The following RNASE4 variants were observed in gnomAD, a reference collection of about 807,000 sequenced individuals.
The protein encoded by RNASE4 is ribonuclease 4.
For synonymous variants in RNASE4, 93 were observed against 71.4 expected (o/e 1.30, Z -1.52); for missense variants, 194 against 192.8 (o/e 1.01, Z -0.04).
intron 1 of RNASE4, chr14:20,693,457 T>C (rs963648604): frequency 1.2e-5 from 18 of 1,526,090 alleles, no homozygotes; most frequent in African/African-American, 6.8e-5. Flanking sequence ...TGATTCATGA[T>C]GCCGTGTCAG....
rs144146051 is a variant in RNASE4 at position 20,699,563 on chromosome 14, G to C, written c.192G>C (p.Leu64Phe). Residue 64 changes from leucine (L) to phenylalanine (F), a missense_variant, in exon 2 of 2, where the codon TTG becomes TTC. Leu to Phe is a conservative substitution (Grantham distance 22). Coordinates refer to ENST00000555835, the MANE Select transcript of RNASE4 (RefSeq NM_002937.5). The stretch of plus-strand genomic sequence containing the variant: ...TGATGCAAAGACGGAAGATGACTTT[G>C]TATCACTGCAAGCGCTTCAACACCT... ...NLMMQRRKMT[L>F]YHCKRFNTFI... 3.1e-6 allele frequency: 5 copies of C among 1,614,068 alleles called. No individual in the cohort carries two copies. The African/African-American group carries it at 6.7e-5, about 22-fold the overall frequency.
At chr14:20,693,069 G>C (rs111700190) in intron 1 of RNASE4, among the ~76,000 whole-genome samples, 6,032 of 151,654 alleles carry the variant, frequency 0.04, 160 homozygotes, top group Non-Finnish European at 0.058. Flanking sequence ...GGATGGTCTC[G>C]ATCTCCTGAC....
At chr14:20,695,394 CA>C (rs552960263) in intron 1 of RNASE4, among the ~76,000 whole-genome samples, 326 of 114,634 alleles carry the variant, frequency 2.8e-3, no homozygotes, top group African/African-American at 6.2e-3. Context: ...GACTCCATCT[CA>C]AAAAAAAAAA....
At chr14:20,687,151 CTTG>C (rs561821547) in intron 1 of RNASE4, among the ~76,000 whole-genome samples, 36 of 152,280 alleles carry the variant, frequency 2.4e-4, no homozygotes, top group Middle Eastern at 3.4e-3. Flanking sequence ...AATATAATTC[CTTG>C]TTGTATTTTA....
At position 20,699,974 on chromosome 14, in the gene RNASE4, G is replaced by C. The variant is rs538217700; in HGVS notation, c.*159G>C. On this transcript the variant is annotated 3_prime_UTR_variant, in exon 2 of 2. Transcript: ENST00000555835. ...ATTCTATTAAATACATTGCACCAAA[G>C]AGATATGGAGACATAAACCTGTAAT... 2 of 651,024 alleles carry C rather than the reference G, an allele frequency of 3.1e-6. No homozygotes were observed. Among genetic ancestry groups the C allele is most frequent in the African/African-American group, 1.8e-5 (1 of 54,674 alleles). The allele number at this position is 651,024 out of a possible 1,614,324, so 40.3% of individuals were successfully genotyped here.
intron 1 of RNASE4, among the ~76,000 whole-genome samples, chr14:20,698,462 T>G (rs1887164382): frequency 1.3e-5 from 2 of 152,254 alleles, no homozygotes; most frequent in South Asian, 4.1e-4. Context: ...GCTTTTCTTA[T>G]TAGTCAATTT....
chr14:20,693,087 T>C lies in RNASE4; in HGVS notation c.-17-6268T>C, dbSNP rs202233850. Among the ~76,000 whole-genome samples, 5 of 152,104 alleles carry C rather than the reference T, an allele frequency of 3.3e-5. No homozygotes were observed. The East Asian group carries it at 5.8e-4, about 18-fold the overall frequency. On this transcript the variant is annotated intron_variant, in intron 1 of 1. Transcript: ENST00000555835. ...TGGTCTCGATCTCCTGACCTCGTGATCCGCCCGCCTTGGCCTCCCAAAGTG... is the reference window on the plus strand; with the variant it reads ...TGGTCTCGATCTCCTGACCTCGTGACCCGCCCGCCTTGGCCTCCCAAAGTG...
At chr14:20,684,904 G>C (rs976155010) in intron 1 of RNASE4, 146 bp downstream of exon 1, 1 of 152,240 alleles carries the variant, frequency 6.6e-6, no homozygotes, top group African/African-American at 2.4e-5. Context: ...GGAATGGGGA[G>C]GGACGTGAAA....
chr14:20,687,846 T>C (rs766302021), intron 1 of RNASE4, among the ~76,000 whole-genome samples: 2 of 152,192 alleles, frequency 1.3e-5, no homozygotes, highest in Non-Finnish European at 2.9e-5. Context: ...GACTGAATAC[T>C]TGGCAGCTAG....
chr14:20,688,624 G>T (rs1377293418), intron 1 of RNASE4: 2 of 855,986 alleles, frequency 2.3e-6, no homozygotes, highest in African/African-American at 1.8e-5. Context: ...ATCCATTCAG[G>T]TGGGTTAATA....
chr14:20,692,608 A>T (rs573024590), intron 1 of RNASE4, among the ~76,000 whole-genome samples: 115 of 152,336 alleles, frequency 7.5e-4, no homozygotes, highest in African/African-American at 2.5e-3. Context: ...GAATCTAACT[A>T]ATGCTTGATG....
chr14:20,685,806 C>T (rs1240450115), intron 1 of RNASE4, among the ~76,000 whole-genome samples: 1 of 151,936 alleles, frequency 6.6e-6, no homozygotes, highest in Non-Finnish European at 1.5e-5. Flanking sequence ...CTTTGGGAGG[C>T]CGAGGTGGGT....
chr14:20,692,989 A>T (rs1234313313), intron 1 of RNASE4, among the ~76,000 whole-genome samples: 3 of 151,208 alleles, frequency 2.0e-5, no homozygotes, highest in African/African-American at 4.9e-5. Flanking sequence ...CTGGGACTAC[A>T]GGCGCCCGCC....
At chr14:20,688,903 A>G in intron 1 of RNASE4, 1 of 970,518 alleles carries the variant, frequency 1.0e-6, no homozygotes, top group South Asian at 4.8e-5. Flanking sequence ...TGTTTTATAT[A>G]TTATTTCTAG....
intron 1 of RNASE4, among the ~76,000 whole-genome samples, chr14:20,695,123 C>T (rs564445254): frequency 2.0e-5 from 3 of 152,328 alleles, no homozygotes; most frequent in East Asian, 1.9e-4. Context: ...TCCGGCCAGG[C>T]GCTGTGGCTC....
chr14:20,699,593 C>T lies in RNASE4; in HGVS notation c.222C>T (p.Ile74=). ...LYHCKRFNTF[I]HEDIWNIRSI... ...ACTGCAAGCGCTTCAACACCTTCAT[C>T]CATGAAGATATCTGGAACATTCGTA... The change falls in exon 2 of 2, where the codon ATC becomes ATT. Residue 74 remains isoleucine (I), a synonymous_variant. Coordinates refer to ENST00000555835, the MANE Select transcript of RNASE4 (RefSeq NM_002937.5). 6.2e-7 allele frequency: 1 copy of T among 1,614,170 alleles called. No homozygotes were observed.
At chr14:20,691,484 G>A (rs950956232) in intron 1 of RNASE4, among the ~76,000 whole-genome samples, 1 of 152,192 alleles carries the variant, frequency 6.6e-6, no homozygotes, top group African/African-American at 2.4e-5. Flanking sequence ...GGGTGGCTTG[G>A]CAGCCCAGCA....
In RNASE4 at chr14:20,693,582, C is replaced by T. The variant is rs934386924; in HGVS notation, c.-17-5773C>T. On this transcript the variant is annotated intron_variant, in intron 1 of 1. Transcript: ENST00000555835. ...TGGAAGAGATGGTGATGGGCCTGGG[C>T]GTTTTGTTGTTGGTCTTCGTGCTGG... 3 of 1,612,970 alleles carry T rather than the reference C, an allele frequency of 1.9e-6. No individual in the cohort carries two copies. The highest frequency in any genetic ancestry group is 1.7e-6 in the Non-Finnish European group (2 of 1,180,032).
chr14:20,690,634 G>T (rs558472017), intron 1 of RNASE4, among the ~76,000 whole-genome samples: 115 of 152,176 alleles, frequency 7.6e-4, no homozygotes, highest in African/African-American at 2.5e-3. Context: ...TGTAACTGAG[G>T]GTCACTGGAC....
Sources: allele counts gnomAD v4.1 joint callset (sites outside exome capture counted in the v4.1 genomes callset), GRCh38; gene constraint gnomAD v4.1.1; transcripts MANE v1.5; gene names NCBI Gene and HGNC (gene_info 2026-07-23, HGNC 2026-07-21).